Variants in CSMD1 observed in about 807,000 individuals in gnomAD.
CSMD1 encodes the protein CUB and Sushi multiple domains 1, also known as CUB and sushi domain-containing protein 1.
A neutral mutation model predicts 417.5 loss-of-function variants in CSMD1; 213 were observed. That is an observed-to-expected ratio of 0.51 (90% CI 0.46 to 0.57). The LOEUF is 0.57. Among genes scored for constraint, CSMD1 ranks in the 20% least tolerant of loss-of-function variants. The probability of loss-of-function intolerance (pLI) is 0.00; values close to 1 mark genes in which losing one functional copy is unlikely to be tolerated. For missense variants in CSMD1, 6,923 were observed against 4,529.7 expected, an observed-to-expected ratio of 1.53 and a Z score of -15.17; for synonymous variants, 2,862 against 1,736.8, an observed-to-expected ratio of 1.65 and a Z score of -16.11.
intron 65 of CSMD1, among the ~76,000 whole-genome samples, chr8:2,953,651 G>GT (rs1802798689): frequency 1.3e-5 from 2 of 152,260 alleles, no homozygotes; most frequent in South Asian, 4.1e-4. Context: ...ATTTTGTATA[G>GT]TAAAAACTTT....
At chr8:3,023,272 T>G (rs1809592543) in intron 51 of CSMD1, among the ~76,000 whole-genome samples, 1 of 152,330 alleles carries the variant, frequency 6.6e-6, no homozygotes, top group South Asian at 2.1e-4. Flanking sequence ...ATCTACAATA[T>G]TACAAAATTC....
chr8:4,739,436 A>C (rs370586901), intron 1 of CSMD1, among the ~76,000 whole-genome samples: 15 of 152,326 alleles, frequency 9.8e-5, no homozygotes, highest in East Asian at 5.8e-4. Flanking sequence ...CTACAATATA[A>C]AGAGAAAAGG....
At chr8:4,111,973 GT>G (rs1301473453) in intron 3 of CSMD1, among the ~76,000 whole-genome samples, 5 of 151,526 alleles carry the variant, frequency 3.3e-5, no homozygotes, top group South Asian at 2.1e-4. Context: ...TACATACATA[GT>G]TTTTTATTGT....
intron 3 of CSMD1, among the ~76,000 whole-genome samples, chr8:4,128,237 T>C (rs1014286245): frequency 6.6e-6 from 1 of 152,064 alleles, no homozygotes. Context: ...TGTTTCTGCA[T>C]GGCTGACAGG....
intron 68 of CSMD1, among the ~76,000 whole-genome samples, chr8:2,943,383 A>C (rs2128914282): frequency 2.0e-5 from 3 of 152,210 alleles, no homozygotes; most frequent in African/African-American, 7.2e-5. Context: ...GCCTGCCGCC[A>C]TGCCTGGCTA....
In CSMD1 at chr8:3,984,704, CATATATATATATATATATATATATATAT is replaced by C. The variant is rs59669026; in HGVS notation, c.818+13171_818+13198del. The stretch of plus-strand genomic sequence containing the variant: ...TGGGTTCAGGATTCAGTGTATATAT[CATATATATATATATATATATATATATAT>C]ATATATATATATATATATATTTGTA... On this transcript the variant is annotated intron_variant, in intron 5 of 69. Coordinates refer to ENST00000635120, the MANE Select transcript of CSMD1 (RefSeq NM_033225.6). Among the ~76,000 whole-genome samples the C allele has an allele frequency of 2.2e-4, 18 of 82,842 alleles. 2 individuals carry two copies. The highest frequency in any genetic ancestry group is 1.0e-3 in the East Asian group (3 of 3,012). The allele number at this position is 82,842 out of a possible 152,430, so 54.3% of individuals were successfully genotyped here. A position where few individuals can be genotyped will look rare whatever the true frequency, so the allele number is the denominator to read the frequency against.
chr8:3,518,932 G>T (rs1797390978), intron 10 of CSMD1, among the ~76,000 whole-genome samples: 1 of 152,110 alleles, frequency 6.6e-6, no homozygotes, highest in African/African-American at 2.4e-5. Flanking sequence ...TCCTCATATT[G>T]TCCCTTTTAT....
At chr8:3,448,173 T>C (rs1014394316) in intron 12 of CSMD1, among the ~76,000 whole-genome samples, 3 of 149,982 alleles carry the variant, frequency 2.0e-5, no homozygotes, top group South Asian at 2.1e-4. Flanking sequence ...GGGGAGTAGA[T>C]AGTGAAGACA....
At chr8:4,856,587 G>A (rs1179729666) in intron 1 of CSMD1, among the ~76,000 whole-genome samples, 3 of 141,856 alleles carry the variant, frequency 2.1e-5, no homozygotes, top group Non-Finnish European at 3.0e-5. Context: ...CAAGCCAATG[G>A]AAAACAAAAA....
intron 30 of CSMD1, among the ~76,000 whole-genome samples, chr8:3,210,201 G>C (rs1429935012): frequency 6.6e-6 from 1 of 152,070 alleles, no homozygotes; most frequent in East Asian, 1.9e-4. Flanking sequence ...CTCTCCATGA[G>C]GGATCCAAGA....
chr8:4,653,506 C>T (rs988654640), intron 1 of CSMD1, among the ~76,000 whole-genome samples: 6 of 152,096 alleles, frequency 3.9e-5, no homozygotes, highest in Admixed American at 3.3e-4. Flanking sequence ...AGACACCAGA[C>T]TTTCTAAAAT....
In CSMD1 at chr8:3,339,141, C is replaced by T. The variant is rs569824271; in HGVS notation, c.3631+4153G>A. ...GAGAATGATGATTTCCAATTTCATC[C>T]ATGTCCCTACAAAGGACATGAACTC... On this transcript the variant is annotated intron_variant, in intron 23 of 69. Transcript: ENST00000635120. 7.3e-4 allele frequency among the ~76,000 whole-genome samples: 111 copies of T among 152,082 alleles called. 1 individual carries two copies. The highest frequency in any genetic ancestry group is 3.4e-3 in the Middle Eastern group (1 of 294).
At chr8:3,255,567 G>A (rs1800590064) in intron 26 of CSMD1, among the ~76,000 whole-genome samples, 1 of 152,188 alleles carries the variant, frequency 6.6e-6, no homozygotes, top group South Asian at 2.1e-4. Context: ...CTGTGCAATG[G>A]TGGACGCCCC....
rs550726279 is a variant in CSMD1 at position 3,359,259 on chromosome 8, G to C, written c.3197C>G (p.Ser1066Cys). 3 of 1,613,844 alleles carry C rather than the reference G, an allele frequency of 1.9e-6. No homozygotes were observed. The highest frequency in any genetic ancestry group is 2.5e-6 in the Non-Finnish European group (3 of 1,179,810). ...TCCCAGGAAGCAGGAAAACGTCAGAGAGTCTCCCACACCAAAGTGAAAACC... is the reference window on the plus strand; with the variant it reads ...TCCCAGGAAGCAGGAAAACGTCAGACAGTCTCCCACACCAAAGTGAAAACC... ...RIGFHFGVGD[S>C]LTFSCFLGYR... Residue 1066 changes from serine (S) to cysteine (C), a missense_variant, in exon 21 of 70, where the codon TCT (serine) becomes TGT (cysteine). Transcript: ENST00000635120.
intron 3 of CSMD1, among the ~76,000 whole-genome samples, chr8:4,097,636 A>T (rs1009968762): frequency 2.0e-5 from 3 of 152,240 alleles, no homozygotes; most frequent in African/African-American, 7.2e-5. Context: ...CAACATAGGG[A>T]TTCAAGTAAA....
chr8:4,299,701 G>A (rs909704137), intron 3 of CSMD1, among the ~76,000 whole-genome samples: 80 of 152,156 alleles, frequency 5.3e-4, no homozygotes, highest in African/African-American at 1.9e-3. Flanking sequence ...GGCGATCTTG[G>A]CTCACTGCAA....
intron 5 of CSMD1, among the ~76,000 whole-genome samples, chr8:3,884,413 T>TG (rs150020289): frequency 0.017 from 2,539 of 152,262 alleles, 67 homozygotes; most frequent in African/African-American, 0.057. Flanking sequence ...GCACAAATCT[T>TG]GTTACAAGGG....
At chr8:3,404,542 G>A (rs1812233369) in intron 15 of CSMD1, among the ~76,000 whole-genome samples, 1 of 151,932 alleles carries the variant, frequency 6.6e-6, no homozygotes, top group Admixed American at 6.6e-5. Context: ...ATGTTATTCC[G>A]AGGTATTTTA....
chr8:4,147,092 A>T (rs1474591466), intron 3 of CSMD1, among the ~76,000 whole-genome samples: 1 of 151,440 alleles, frequency 6.6e-6, no homozygotes, highest in Non-Finnish European at 1.5e-5. Flanking sequence ...CACTCCAATG[A>T]CTGTTTAGAA....
Sources: gnomAD v4.1 joint callset for allele counts (sites outside exome capture counted in the v4.1 genomes callset) on GRCh38, gnomAD v4.1.1 for gene constraint, MANE v1.5 for transcripts, NCBI Gene and HGNC (gene_info 2026-07-23, HGNC 2026-07-21) for gene names.